Variants in ZNF451 observed in about 807,000 individuals in gnomAD.
The protein encoded by ZNF451 is E3 SUMO-protein ligase ZNF451.
In ZNF451, 80 loss-of-function variants were observed where a neutral mutation model predicts 107.1. That is an observed-to-expected ratio of 0.75 (90% CI 0.62 to 0.90). The LOEUF (loss-of-function observed/expected upper bound fraction) is 0.90, where lower values mean the gene tolerates loss of function less well. Among genes scored for constraint, ZNF451 ranks in the 40% least tolerant of loss-of-function variants. The pLI is 0.00. For missense variants in ZNF451, 1,107 were observed against 1,236.2 expected (o/e 0.90, Z 1.57); for synonymous variants, 362 against 406.5 (o/e 0.89, Z 1.32).
At chr6:57,099,457 T>C in intron 3 of ZNF451, 1 of 716,678 alleles carries the variant, frequency 1.4e-6, no homozygotes, top group Admixed American at 2.0e-5. Flanking sequence ...TCTTTTCCTT[T>C]ACTCTCCTCA....
chr6:57,133,010 A>G (rs1267173692), intron 5 of ZNF451, 32 bp from the exon 6 acceptor site: 3 of 1,611,398 alleles, frequency 1.9e-6, no homozygotes, highest in African/African-American at 2.7e-5. Context: ...ATCTGAAATA[A>G]TAACCTAAGA....
At chr6:57,119,201 A>G (rs1302540125) in intron 3 of ZNF451, among the ~76,000 whole-genome samples, 2 of 152,174 alleles carry the variant, frequency 1.3e-5, no homozygotes, top group Admixed American at 6.5e-5. Flanking sequence ...AAAGAGTGAT[A>G]TTTTATTTGT....
chr6:57,130,027 G>A (rs1267430695), intron 5 of ZNF451, among the ~76,000 whole-genome samples: 5 of 152,096 alleles, frequency 3.3e-5, no homozygotes, highest in Admixed American at 1.3e-4. Flanking sequence ...CGATTGATCC[G>A]TTTATATGTC....
At position 57,094,355 on chromosome 6, in the gene ZNF451, C is replaced by T. The variant is rs376787175; in HGVS notation, c.105+3461C>T. 4.1e-4 allele frequency among the ~76,000 whole-genome samples: 62 copies of T among 152,042 alleles called. 2 individuals are homozygous for T. In the South Asian group the frequency reaches 0.012, roughly 31 times the overall value. ...AGACAGGGTCTCACTCTTGCCCAGGCTGGAGTGCAGTGGTATGATCATAGC... is the reference window on the plus strand; with the variant it reads ...AGACAGGGTCTCACTCTTGCCCAGGTTGGAGTGCAGTGGTATGATCATAGC... On this transcript the variant is annotated intron_variant, in intron 2 of 14. Coordinates refer to ENST00000370706, the MANE Select transcript of ZNF451 (RefSeq NM_001031623.3).
intron 9 of ZNF451, among the ~76,000 whole-genome samples, chr6:57,146,542 T>C (rs1832073318): frequency 6.6e-6 from 1 of 152,218 alleles, no homozygotes; most frequent in Non-Finnish European, 1.5e-5. Context: ...CCAGTGTCTA[T>C]TTTTGTCAAT....
chr6:57,138,729 A>ATGTGTGTGTG (rs1168633668), intron 7 of ZNF451, among the ~76,000 whole-genome samples: 49 of 113,956 alleles, frequency 4.3e-4, no homozygotes, highest in Middle Eastern at 4.5e-3. Flanking sequence ...ATATATATAT[A>ATGTGTGTGTG]TATATATATA....
At chr6:57,149,185 A>G (rs1832231168) in intron 10 of ZNF451, among the ~76,000 whole-genome samples, 1 of 152,204 alleles carries the variant, frequency 6.6e-6, no homozygotes. Context: ...ACATACAATT[A>G]AAATAGCAAT....
At position 57,133,065 on chromosome 6, in the gene ZNF451, T is replaced by A. The variant is rs766141571; in HGVS notation, c.448T>A (p.Cys150Ser). 9 of 1,614,024 alleles carry A rather than the reference T, an allele frequency of 5.6e-6. No homozygotes were observed. The highest frequency in any genetic ancestry group is 1.3e-5 in the African/African-American group (1 of 74,938). Reference sequence around the variant, plus strand: ...AGGACTCAAAACAGGCACAATTAATTGTGGAACAAAAAGTTCATTCCGAAG... The same window carrying A: ...AGGACTCAAAACAGGCACAATTAATAGTGGAACAAAAAGTTCATTCCGAAG... ...MPGLKTGTIN[C>S]GTKSSFRRGG... The change falls in exon 6 of 15, where the codon TGT becomes AGT. Residue 150 changes from cysteine (C) to serine (S), a missense_variant. Cys to Ser is a moderately radical substitution (Grantham distance 112). Coordinates refer to ENST00000370706, the MANE Select transcript of ZNF451 (RefSeq NM_001031623.3).
Position 57,147,513 on chromosome 6 carries a change from CAA to C in ZNF451, c.1429_1430del (p.Asn477SerfsTer6), listed in dbSNP as rs1452392555. ...TAGTTAAAACCTGGTTCTGTGAATG[CAA>C]TCAGCGATTCCCAAGTGAAGATGCA... Reference protein sequence around the residue: ...SVVKTWFCECNQRFPSEDAVE... With the variant: ...SVVKTWFCECXQRFPSEDAVE... On this transcript the variant is annotated frameshift_variant, in exon 10 of 15. Coordinates refer to ENST00000370706, the MANE Select transcript of ZNF451 (RefSeq NM_001031623.3). LOFTEE classifies it high-confidence loss of function. The C allele has an allele frequency of 6.2e-7, 1 of 1,613,996 alleles. No homozygotes were observed. Among genetic ancestry groups the C allele is most frequent in the Non-Finnish European group, 8.5e-7 (1 of 1,179,992 alleles).
At chr6:57,107,577 C>T in intron 3 of ZNF451, 1 of 985,016 alleles carries the variant, frequency 1.0e-6, no homozygotes, top group Non-Finnish European at 1.2e-6. Context: ...GAAGCCCATC[C>T]CCATGGATTT....
rs200260002 is a variant in ZNF451 at position 57,147,301 on chromosome 6, G to A, written c.1216G>A (p.Glu406Lys). The change falls in exon 10 of 15, where the codon GAA (glutamate) becomes AAA (lysine). Residue 406 changes from glutamate (E) to lysine (K), a missense_variant. This residue lies in a region of ZNF451 where 608 missense variants were observed against 649.2 expected (regional missense o/e 0.94). Coordinates refer to ENST00000370706, the MANE Select transcript of ZNF451 (RefSeq NM_001031623.3). ...ESVLLYCHSS[E>K]GNKDPSSDLH... ...AGTCTTACTCTATTGCCACAGCAGC[G>A]AAGGGAACAAGGATCCTTCTTCTGA... 85 of 1,614,118 alleles carry A rather than the reference G, an allele frequency of 5.3e-5. No homozygotes were observed. In the Admixed American group the frequency reaches 1.2e-3, roughly 22 times the overall value.
At chr6:57,138,721 A>ATGTGTGTG (rs1739012670) in intron 7 of ZNF451, among the ~76,000 whole-genome samples, 3 of 115,654 alleles carry the variant, frequency 2.6e-5, no homozygotes, top group Admixed American at 9.0e-5. Context: ...ATATATATAT[A>ATGTGTGTG]TATATATATA....
At chr6:57,123,266 C>G (rs971065196) in intron 3 of ZNF451, among the ~76,000 whole-genome samples, 20 of 152,284 alleles carry the variant, frequency 1.3e-4, no homozygotes, top group African/African-American at 4.8e-4. Context: ...ATGTGCCCAT[C>G]ATCAGTGGAT....
intron 3 of ZNF451, chr6:57,101,912 T>C: frequency 6.4e-7 from 1 of 1,550,484 alleles, no homozygotes. Context: ...GACAACAATA[T>C]AAAAGAAAAT....
rs1764015522 is a variant in ZNF451 at position 57,168,856 on chromosome 6, C to T, written c.*387C>T. On this transcript the variant is annotated 3_prime_UTR_variant, in exon 15 of 15. Coordinates refer to ENST00000370706, the MANE Select transcript of ZNF451 (RefSeq NM_001031623.3). ...AAATGATGCTAGTTTATTTTTTTAG[C>T]AGTGAAAATGAATATAAAAAAGGTG... 6.4e-6 allele frequency: 1 copy of T among 157,180 alleles called. No homozygotes were observed. Among genetic ancestry groups the T allele is most frequent in the South Asian group, 2.0e-4 (1 of 5,102 alleles). The allele number at this position is 157,180 out of a possible 1,614,324, so 9.7% of individuals were successfully genotyped here. A position where few individuals can be genotyped will look rare whatever the true frequency, so the allele number is the denominator to read the frequency against.
chr6:57,107,420 T>TC, intron 3 of ZNF451: 1 of 985,244 alleles, frequency 1.0e-6, no homozygotes, highest in Non-Finnish European at 1.2e-6. Flanking sequence ...ATATAGCCAG[T>TC]CCAATATCTC....
chr6:57,131,274 T>C (rs569525548), intron 5 of ZNF451, among the ~76,000 whole-genome samples: 2 of 152,310 alleles, frequency 1.3e-5, no homozygotes, highest in African/African-American at 4.8e-5. Flanking sequence ...CTTAGTATTA[T>C]AATTTTTAAA....
rs754273423 is a variant in ZNF451 at position 57,148,025 on chromosome 6, A to C, written c.1940A>C (p.Lys647Thr). 6.2e-7 allele frequency: 1 copy of C among 1,614,148 alleles called. No individual in the cohort carries two copies. The highest frequency in any genetic ancestry group is 8.5e-7 in the Non-Finnish European group (1 of 1,179,974). Reference sequence around the variant, plus strand: ...GCTCACTGCAGAAAGCCTTTTCATAAGATAGAAACATTGTACCGACATTGC... The same window carrying C: ...GCTCACTGCAGAAAGCCTTTTCATACGATAGAAACATTGTACCGACATTGC... ...SCAHCRKPFH[K>T]IETLYRHCQD... Residue 647 changes from lysine (K) to threonine (T), a missense_variant, in exon 10 of 15, where the codon AAG (lysine) becomes ACG (threonine). Lys to Thr is a moderately conservative substitution (Grantham distance 78). Around this residue, in one of 5 missense-constraint regions of ZNF451, gnomAD observed 608 missense variants for 649.2 expected, o/e 0.94. Transcript: ENST00000370706.
chr6:57,159,522 AGAG>A, intron 13 of ZNF451: 8 of 265,794 alleles, frequency 3.0e-5, no homozygotes, highest in Non-Finnish European at 4.6e-5. Flanking sequence ...AAACATTATA[AGAG>A]TTTTTTTTTT....
Sources: allele counts gnomAD v4.1 joint callset (sites outside exome capture counted in the v4.1 genomes callset), GRCh38; gene constraint gnomAD v4.1.1; regional missense constraint gnomAD v4.1.1; transcripts MANE v1.5; gene names NCBI Gene and HGNC (gene_info 2026-07-23, HGNC 2026-07-21).